The following THSD4 variants were observed in gnomAD, a reference collection of about 807,000 sequenced individuals.
THSD4 encodes thrombospondin type-1 domain-containing protein 4.
In THSD4, 69 loss-of-function variants were observed where a neutral mutation model predicts 119.0. That is an observed-to-expected ratio of 0.58 (90% CI 0.48 to 0.71). THSD4 has a LOEUF of 0.71. THSD4 is among the 30% of genes least tolerant of loss of function. The probability of loss-of-function intolerance (pLI) is 0.00; values close to 1 mark genes in which losing one functional copy is unlikely to be tolerated. For missense variants in THSD4, 1,393 were observed against 1,391.1 expected, an observed-to-expected ratio of 1.00 and a Z score of -0.02; for synonymous variants, 524 against 540.4, an observed-to-expected ratio of 0.97 and a Z score of 0.42.
intron 1 of THSD4, among the ~76,000 whole-genome samples, chr15:71,098,214 G>T (rs75694232): frequency 0.22 from 12,277 of 55,046 alleles, 497 homozygotes; most frequent in African/African-American, 0.33. Context: ...TTTTTTTTTT[G>T]GGGGGAGAGA....
At chr15:71,640,045 C>T (rs1431206962) in intron 7 of THSD4, among the ~76,000 whole-genome samples, 2 of 151,966 alleles carry the variant, frequency 1.3e-5, no homozygotes, top group African/African-American at 4.8e-5. Context: ...GTATTGGGGG[C>T]TTATTGGAAA....
At chr15:71,711,753 A>G (rs954027210) in intron 8 of THSD4, among the ~76,000 whole-genome samples, 1 of 152,190 alleles carries the variant, frequency 6.6e-6, no homozygotes. Flanking sequence ...AGGAGTGGCT[A>G]TATTAATATT....
rs916290491 is a variant in THSD4, at chr15:71,514,847, A to G, written c.1152+103024A>G. On this transcript the variant is annotated intron_variant, in intron 7 of 17. Transcript: ENST00000261862. ...AACATATCAGTGAACATTTCTCTCT[A>G]TCAGAGGGTATAATTTCTATTGGAT... Among the ~76,000 whole-genome samples, 4 of 152,198 alleles carry G rather than the reference A, an allele frequency of 2.6e-5. No individual in the cohort carries two copies. The South Asian group carries it at 6.2e-4, about 24-fold the overall frequency.
At chr15:71,233,282 T>G (rs2044075881) in intron 4 of THSD4, among the ~76,000 whole-genome samples, 1 of 152,196 alleles carries the variant, frequency 6.6e-6, no homozygotes, top group South Asian at 2.1e-4. Context: ...GATTACTGAT[T>G]TGGTTTCTCT....
At chr15:71,597,832 G>A (rs1056598339) in intron 7 of THSD4, among the ~76,000 whole-genome samples, 1 of 152,140 alleles carries the variant, frequency 6.6e-6, no homozygotes, top group African/African-American at 2.4e-5. Context: ...AGGGCCCTGC[G>A]ATGTGTGTCT....
chr15:71,268,750 TCAAA>T (rs2044494364), intron 6 of THSD4, among the ~76,000 whole-genome samples: 1 of 140,520 alleles, frequency 7.1e-6, no homozygotes, highest in Admixed American at 7.2e-5. Flanking sequence ...GAGAGATGAA[TCAAA>T]CAGACACAAT....
intron 7 of THSD4, among the ~76,000 whole-genome samples, chr15:71,649,105 C>G (rs977457337): frequency 6.6e-6 from 1 of 152,138 alleles, no homozygotes; most frequent in Non-Finnish European, 1.5e-5. Flanking sequence ...AAGTGCACTT[C>G]AGATTCAAAG....
intron 1 of THSD4, among the ~76,000 whole-genome samples, chr15:71,140,904 T>C (rs915070692): frequency 7.9e-5 from 12 of 152,256 alleles, no homozygotes; most frequent in African/African-American, 2.9e-4. Flanking sequence ...TTTCTGTCTC[T>C]ATAGATTTGC....
intron 5 of THSD4, among the ~76,000 whole-genome samples, chr15:71,247,991 G>T (rs903234841): frequency 1.3e-5 from 2 of 152,232 alleles, no homozygotes; most frequent in East Asian, 1.9e-4. Context: ...GCCAGACTCA[G>T]TTGGGCTTGA....
At chr15:71,660,439 A>C in intron 7 of THSD4, 91 bp from the exon 8 acceptor site, 3 of 1,514,098 alleles carry the variant, frequency 2.0e-6, no homozygotes, top group Non-Finnish European at 2.7e-6. Context: ...ATAGCTAGAA[A>C]AGAAATTTCT....
At chr15:71,253,561 C>A (rs1463654655) in intron 5 of THSD4, among the ~76,000 whole-genome samples, 1 of 152,048 alleles carries the variant, frequency 6.6e-6, no homozygotes, top group African/African-American at 2.4e-5. Context: ...GTGCATGCCA[C>A]CATGCCCGGC....
chr15:71,471,649 C>T (rs1433895792), intron 7 of THSD4, among the ~76,000 whole-genome samples: 1 of 151,352 alleles, frequency 6.6e-6, no homozygotes, highest in Non-Finnish European at 1.5e-5. Flanking sequence ...GGCTCCACTT[C>T]CTGGCCCAGC....
intron 7 of THSD4, among the ~76,000 whole-genome samples, chr15:71,629,219 C>T (rs1247232723): frequency 6.6e-6 from 1 of 152,134 alleles, no homozygotes; most frequent in Non-Finnish European, 1.5e-5. Context: ...ACTGAACTGG[C>T]AGTAGAGACC....
chr15:71,149,800 T>C (rs1036715693), intron 2 of THSD4, among the ~76,000 whole-genome samples: 10 of 152,128 alleles, frequency 6.6e-5, no homozygotes, highest in South Asian at 4.1e-4. Flanking sequence ...GCTGTGACAG[T>C]ATCCACCCTC....
At chr15:71,265,678 C>T (rs528981227) in intron 6 of THSD4, among the ~76,000 whole-genome samples, 9 of 152,180 alleles carry the variant, frequency 5.9e-5, no homozygotes, top group Non-Finnish European at 1.2e-4. Context: ...CCCACCCCCA[C>T]GGAGCCCAGG....
intron 6 of THSD4, among the ~76,000 whole-genome samples, chr15:71,363,190 C>T (rs1242038636): frequency 6.6e-6 from 1 of 152,102 alleles, no homozygotes; most frequent in Non-Finnish European, 1.5e-5. Flanking sequence ...GACTGTAGGC[C>T]AGTCTGTGTC....
intron 8 of THSD4, among the ~76,000 whole-genome samples, chr15:71,712,949 A>G (rs1489349856): frequency 6.6e-6 from 1 of 152,216 alleles, no homozygotes; most frequent in East Asian, 1.9e-4. Flanking sequence ...GAATTTTTCA[A>G]GGAGGTGAAA....
chr15:71,724,287 A>ATATATATATTTTT, intron 8 of THSD4, among the ~76,000 whole-genome samples: 1 of 37,290 alleles, frequency 2.7e-5, no homozygotes, highest in African/African-American at 6.6e-5. Flanking sequence ...ATATATATAT[A>ATATATATATTTTT]TTTTTTTTTT....
At chr15:71,110,942 A>G (rs890698893), upstream of THSD4, 1 of 595,136 alleles carries the variant, frequency 1.7e-6, no homozygotes, top group African/African-American at 1.9e-5. Flanking sequence ...GGCCTAGTTA[A>G]TCATCGCCGG....
Sources: gnomAD v4.1 joint callset for allele counts (sites outside exome capture counted in the v4.1 genomes callset) on GRCh38, gnomAD v4.1.1 for gene constraint, MANE v1.5 for transcripts, NCBI Gene and HGNC (gene_info 2026-07-23, HGNC 2026-07-21) for gene names.